The following FMN1 variants were observed in gnomAD, a reference collection of about 807,000 sequenced individuals.
FMN1 encodes formin-1.
In FMN1, 110 loss-of-function variants were observed where a neutral mutation model predicts 132.4. The observed-to-expected ratio is 0.83, with a 90% CI of 0.71 to 0.97. The LOEUF (loss-of-function observed/expected upper bound fraction) is 0.97. Among genes scored for constraint, FMN1 ranks in the 50% least tolerant of loss-of-function variants. The pLI, the probability that FMN1 is intolerant of heterozygous loss-of-function variation, is 0.00. For missense variants in FMN1, 1,792 were observed against 1,705.3 expected (o/e 1.05, Z -0.90); for synonymous variants, 722 against 651.7 (o/e 1.11, Z -1.64).
intron 3 of FMN1, among the ~76,000 whole-genome samples, chr15:33,163,705 C>T (rs199774163): frequency 1.3e-5 from 2 of 151,792 alleles, no homozygotes; most frequent in Non-Finnish European, 2.9e-5. Context: ...GCAACCTCCA[C>T]CTCCTGGGTT....
chr15:32,787,488 C>T (rs1041372677), intron 19 of FMN1, among the ~76,000 whole-genome samples: 4 of 152,188 alleles, frequency 2.6e-5, no homozygotes, highest in African/African-American at 9.7e-5. Context: ...AACAGACCAG[C>T]AGGAAAGTAA....
intron 16 of FMN1, among the ~76,000 whole-genome samples, chr15:32,881,154 T>A (rs2059760610): frequency 6.6e-6 from 1 of 152,180 alleles, no homozygotes; most frequent in African/African-American, 2.4e-5. Context: ...ACATTAAAAC[T>A]TTTTAGGCCT....
At chr15:33,145,919 G>A (rs984506676) in intron 4 of FMN1, among the ~76,000 whole-genome samples, 5 of 151,694 alleles carry the variant, frequency 3.3e-5, no homozygotes, top group Admixed American at 6.6e-5. Flanking sequence ...GAAAAAATAC[G>A]TGAAATCTGA....
At chr15:33,109,475 T>G (rs28551066) in intron 4 of FMN1, among the ~76,000 whole-genome samples, 49,696 of 151,884 alleles carry the variant, frequency 0.33, 8,835 homozygotes, top group Admixed American at 0.41. Flanking sequence ...AAAGAAAATG[T>G]GGTATATATA....
chr15:32,817,697 A>G (rs1200897621), intron 17 of FMN1, among the ~76,000 whole-genome samples: 2 of 152,246 alleles, frequency 1.3e-5, no homozygotes, highest in Non-Finnish European at 2.9e-5. Flanking sequence ...AGAGCCAGTA[A>G]AAGGAAATAA....
chr15:32,808,500 T>C (rs1030549446), intron 17 of FMN1, among the ~76,000 whole-genome samples: 2 of 152,214 alleles, frequency 1.3e-5, no homozygotes, highest in African/African-American at 2.4e-5. Context: ...AAATGAAGTG[T>C]AGCATAGAGG....
chr15:32,999,238 G>T (rs1449366559), intron 7 of FMN1, among the ~76,000 whole-genome samples: 2 of 152,132 alleles, frequency 1.3e-5, no homozygotes, highest in Non-Finnish European at 2.9e-5. Context: ...AGTATTATCT[G>T]GGAATTAAGA....
At chr15:32,963,237 A>G (rs61684500) in intron 9 of FMN1, among the ~76,000 whole-genome samples, 3 of 151,540 alleles carry the variant, frequency 2.0e-5, no homozygotes, top group Non-Finnish European at 4.4e-5. Flanking sequence ...GTAAACTATC[A>G]CAAGAACAAA....
chr15:33,115,496 C>CACACA (rs1566928919), intron 4 of FMN1, among the ~76,000 whole-genome samples: 145 of 141,742 alleles, frequency 1.0e-3, no homozygotes, highest in African/African-American at 3.8e-3. Flanking sequence ...CTTAAGCCCC[C>CACACA]CCCCCCCACA....
intron 16 of FMN1, among the ~76,000 whole-genome samples, chr15:32,879,007 G>A (rs1347864732): frequency 6.6e-6 from 1 of 152,020 alleles, no homozygotes; most frequent in Non-Finnish European, 1.5e-5. Flanking sequence ...TAATTAAACG[G>A]ATGAATCAAG....
At position 33,109,449 on chromosome 15, in the gene FMN1, C is replaced by T. The variant is rs1427788453; in HGVS notation, c.1868-20475G>A. Among the ~76,000 whole-genome samples the T allele has an allele frequency of 2.6e-5, 4 of 151,908 alleles. No individual in the cohort carries two copies. The South Asian group carries it at 6.2e-4, about 24-fold the overall frequency. On this transcript the variant is annotated intron_variant, in intron 4 of 20. Transcript: ENST00000616417. ...GACAGGGAATCAACCTAATGTCAAT[C>T]GATGACAGATTGGATAAAGAAAATG... is the stretch of plus-strand genomic sequence containing the variant.
intron 5 of FMN1, chr15:33,067,810 C>G (rs753231059): frequency 3.2e-5 from 52 of 1,613,830 alleles, no homozygotes; most frequent in Non-Finnish European, 4.2e-5. Flanking sequence ...TCGACTGAGC[C>G]ACTTCAAGTC....
At chr15:33,003,698 A>C (rs2034248626) in intron 7 of FMN1, among the ~76,000 whole-genome samples, 1 of 152,180 alleles carries the variant, frequency 6.6e-6, no homozygotes, top group Non-Finnish European at 1.5e-5. Flanking sequence ...AACTACTTTA[A>C]AGTTCACATG....
chr15:32,812,716 T>A (rs2057924098), intron 17 of FMN1, among the ~76,000 whole-genome samples: 1 of 152,222 alleles, frequency 6.6e-6, no homozygotes, highest in Admixed American at 6.5e-5. Flanking sequence ...GATTAGAGAT[T>A]CTCAGCCTGT....
chr15:32,886,656 A>G (rs572650960), intron 16 of FMN1, among the ~76,000 whole-genome samples: 1 of 152,158 alleles, frequency 6.6e-6, no homozygotes, highest in Non-Finnish European at 1.5e-5. Flanking sequence ...CTCAAAGACT[A>G]TAGGAGAGGT....
At chr15:33,144,725 T>TA (rs1198829988) in intron 4 of FMN1, among the ~76,000 whole-genome samples, 1 of 151,016 alleles carries the variant, frequency 6.6e-6, no homozygotes, top group Non-Finnish European at 1.5e-5. Flanking sequence ...GTAAGTGCCT[T>TA]AAAAAACAAG....
At chr15:33,161,149 C>G (rs1033718988) in intron 3 of FMN1, among the ~76,000 whole-genome samples, 1 of 152,236 alleles carries the variant, frequency 6.6e-6, no homozygotes, top group African/African-American at 2.4e-5. Context: ...GAGCCCAACA[C>G]GGCTAAGACA....
At chr15:32,820,964 G>A (rs908551712) in intron 17 of FMN1, among the ~76,000 whole-genome samples, 2 of 151,922 alleles carry the variant, frequency 1.3e-5, no homozygotes, top group Non-Finnish European at 2.9e-5. Context: ...CTACTCCCAA[G>A]GTAATAAAGA....
chr15:33,152,610 T>C (rs946672420), intron 4 of FMN1, among the ~76,000 whole-genome samples: 18 of 151,958 alleles, frequency 1.2e-4, no homozygotes, highest in African/African-American at 4.4e-4. Context: ...CTTTTGCACT[T>C]CTGCTTAGAG....
Sources: gnomAD v4.1 joint callset for allele counts (sites outside exome capture counted in the v4.1 genomes callset) on GRCh38, gnomAD v4.1.1 for gene constraint, MANE v1.5 for transcripts, NCBI Gene and HGNC (gene_info 2026-07-23, HGNC 2026-07-21) for gene names.